Variants in IFFO2 observed in about 807,000 individuals in gnomAD.
The protein encoded by IFFO2 is intermediate filament family orphan 2.
In IFFO2, 19 loss-of-function variants were observed where a neutral mutation model predicts 53.5. That is an observed-to-expected ratio of 0.36 (90% confidence interval 0.25 to 0.52). IFFO2 has a LOEUF of 0.52. Among genes scored for constraint, IFFO2 ranks in the 20% least tolerant of loss-of-function variants. IFFO2 has a pLI of 0.94. For missense variants in IFFO2, 570 were observed against 727.4 expected (o/e 0.78, Z 2.49); for synonymous variants, 303 against 313.6 (o/e 0.97, Z 0.36).
chr1:18,931,956 T>C (rs1488489507), intron 1 of IFFO2, among the ~76,000 whole-genome samples: 7 of 152,218 alleles, frequency 4.6e-5, no homozygotes, highest in Admixed American at 1.3e-4. Context: ...ACTTTGCCCA[T>C]GCACTTATTT....
At position 18,918,159 on chromosome 1, in the gene IFFO2, G is replaced by A. The variant is rs1936162650; in HGVS notation, c.963+203C>T. ...TCGGTCTCCCCAGCCATAGGATGAA[G>A]CAGTCAGACGAGCCTATGAGTCCAC... is the stretch of plus-strand genomic sequence containing the variant. On this transcript the variant is annotated intron_variant, in intron 4 of 8. Coordinates refer to ENST00000455833, the MANE Select transcript of IFFO2 (RefSeq NM_001136265.2). This position sits in a 1 kb window ranked among gnomAD's most constrained non-coding sequence, Gnocchi z 5.2. 6.6e-6 allele frequency among the ~76,000 whole-genome samples: 1 copy of A among 152,206 alleles called. No homozygotes were observed. The highest frequency in any genetic ancestry group is 6.5e-5 in the Admixed American group (1 of 15,288).
chr1:18,945,987 C>T (rs778734514), intron 1 of IFFO2, among the ~76,000 whole-genome samples: 17 of 152,234 alleles, frequency 1.1e-4, no homozygotes, highest in Admixed American at 2.0e-4. Context: ...TCCACACAAA[C>T]GTTCTGCTCT....
At chr1:18,949,274 T>C (rs1484691328) in intron 1 of IFFO2, among the ~76,000 whole-genome samples, 1 of 152,168 alleles carries the variant, frequency 6.6e-6, no homozygotes, top group Admixed American at 6.5e-5. Context: ...GATCTGCCAG[T>C]GGGAGACGAA....
At chr1:18,923,468 C>G (rs957901839) in intron 1 of IFFO2, among the ~76,000 whole-genome samples, 1 of 152,208 alleles carries the variant, frequency 6.6e-6, no homozygotes, top group South Asian at 2.1e-4. Flanking sequence ...ACAATAACAG[C>G]AACAGCACCA....
In IFFO2 at chr1:18,911,488, G is replaced by A. The variant is rs1446413846; in HGVS notation, c.1225-12C>T. ...AAGTTTTCCTCTTGCTGGGGAAATA[G>A]AACAAACGGGACAGTTTATTTTATT... On this transcript the variant is annotated splice_polypyrimidine_tract_variant and intron_variant, in intron 6 of 8. Coordinates refer to ENST00000455833, the MANE Select transcript of IFFO2 (RefSeq NM_001136265.2). 1.6e-6 allele frequency: 2 copies of A among 1,238,676 alleles called. No homozygotes were observed. The highest frequency in any genetic ancestry group is 3.0e-5 in the South Asian group (2 of 66,198). 76.7% of individuals were successfully genotyped at this position (1,238,676 alleles called of 1,614,324 possible). A position where few individuals can be genotyped will look rare whatever the true frequency, so the allele number is the denominator to read the frequency against.
intron 1 of IFFO2, among the ~76,000 whole-genome samples, chr1:18,949,806 T>A (rs185174813): frequency 1.3e-5 from 2 of 152,310 alleles, no homozygotes; most frequent in Non-Finnish European, 2.9e-5. Context: ...TACATGTGTG[T>A]GAGTGTGAGT....
intron 1 of IFFO2, among the ~76,000 whole-genome samples, chr1:18,929,698 C>G (rs1356214452): frequency 6.6e-6 from 1 of 152,122 alleles, no homozygotes; most frequent in Non-Finnish European, 1.5e-5. Flanking sequence ...CGGCAAGCCC[C>G]TAACTGGGCT....
At chr1:18,937,930 C>T (rs540360211) in intron 1 of IFFO2, among the ~76,000 whole-genome samples, 14 of 152,396 alleles carry the variant, frequency 9.2e-5, no homozygotes, top group African/African-American at 3.4e-4. Flanking sequence ...CCTCTCTTCT[C>T]AACTCCAACC....
intron 1 of IFFO2, among the ~76,000 whole-genome samples, chr1:18,934,057 CTTTTTTTT>C (rs71577808): frequency 8.2e-4 from 58 of 70,312 alleles, no homozygotes; most frequent in African/African-American, 1.3e-3. Flanking sequence ...TCTCTTATTT[CTTTTTTTT>C]TTTTTTTTTT....
rs534065858 is a variant in IFFO2, at chr1:18,945,314, C to G, written c.665+10354G>C. Among the ~76,000 whole-genome samples the G allele has an allele frequency of 4.6e-5, 7 of 152,210 alleles. No homozygotes were observed. In the South Asian group the frequency reaches 8.3e-4, roughly 18 times the overall value. ...CCCTAAATCTTCCACTACCACCCCC[C>G]AAGATGGCCTTCTGCCTATTGCCAC... On this transcript the variant is annotated intron_variant, in intron 1 of 8. Coordinates refer to ENST00000455833, the MANE Select transcript of IFFO2 (RefSeq NM_001136265.2).
At chr1:18,913,985 C>T (rs1056646644) in intron 5 of IFFO2, among the ~76,000 whole-genome samples, 16 of 152,292 alleles carry the variant, frequency 1.1e-4, no homozygotes, top group Non-Finnish European at 1.9e-4. Context: ...GCGCCCGCCA[C>T]CACGCCCGGC....
At chr1:18,951,029 T>TGGAA (rs1285144200) in intron 1 of IFFO2, among the ~76,000 whole-genome samples, 1 of 152,234 alleles carries the variant, frequency 6.6e-6, no homozygotes, top group Non-Finnish European at 1.5e-5. Context: ...GCACGGCAGA[T>TGGAA]GGAAGGTCTG....
intron 1 of IFFO2, among the ~76,000 whole-genome samples, chr1:18,954,587 G>T (rs1936700454): frequency 6.6e-6 from 1 of 152,258 alleles, no homozygotes; most frequent in South Asian, 2.1e-4. Context: ...AACAGCGATT[G>T]CCAGGGCCAG....
Position 18,919,667 on chromosome 1 carries a change from G to A in IFFO2, c.822+11C>T. On this transcript the variant is annotated intron_variant, in intron 3 of 8. Coordinates refer to ENST00000455833, the MANE Select transcript of IFFO2 (RefSeq NM_001136265.2). The surrounding 1 kb of genome is among the most constrained non-coding windows in gnomAD (Gnocchi z 4.9). ...AGGTCATGACACCCAGGGGCGGCGG[G>A]CGGCACTTACGTCACTCATAAGCCC... The A allele has an allele frequency of 1.3e-6, 2 of 1,545,722 alleles. No individual in the cohort carries two copies. Among genetic ancestry groups the A allele is most frequent in the Non-Finnish European group, 1.8e-6 (2 of 1,141,594 alleles).
rs546659785 is a variant in IFFO2, at chr1:18,945,042, C to A, written c.665+10626G>T. Among the ~76,000 whole-genome samples the A allele has an allele frequency of 4.6e-5, 7 of 152,318 alleles. No homozygotes were observed. In the South Asian group the frequency reaches 1.4e-3, roughly 32 times the overall value. ...AGCAGCTCCACACTGTTCTGCACAG[C>A]AGCTCAACTCCAGGCCCTTGTACAC... On this transcript the variant is annotated intron_variant, in intron 1 of 8. Transcript: ENST00000455833.
At chr1:18,934,057 CTTTTTTTTTTT>C (rs71577808) in intron 1 of IFFO2, among the ~76,000 whole-genome samples, 5 of 70,316 alleles carry the variant, frequency 7.1e-5, no homozygotes, top group South Asian at 1.0e-3. Context: ...TCTCTTATTT[CTTTTTTTTTTT>C]TTTTTTTTTT....
In IFFO2 at chr1:18,919,656, A is replaced by G; in HGVS notation, c.822+22T>C. Reference sequence around the variant, plus strand: ...GGGTGTGGGGGAGGTCATGACACCCAGGGGCGGCGGGCGGCACTTACGTCA... The same window carrying G: ...GGGTGTGGGGGAGGTCATGACACCCGGGGGCGGCGGGCGGCACTTACGTCA... On this transcript the variant is annotated intron_variant, in intron 3 of 8. Transcript: ENST00000455833. This position sits in a 1 kb window ranked among gnomAD's most constrained non-coding sequence, Gnocchi z 4.9. 6.6e-7 allele frequency: 1 copy of G among 1,524,484 alleles called. No individual in the cohort carries two copies. The highest frequency in any genetic ancestry group is 8.9e-7 in the Non-Finnish European group (1 of 1,122,236). 94.4% of individuals were successfully genotyped at this position (1,524,484 alleles called of 1,614,324 possible).
In IFFO2 at chr1:18,908,292, C is replaced by A; in HGVS notation, c.*269G>T. On this transcript the variant is annotated 3_prime_UTR_variant, in exon 9 of 9. Transcript: ENST00000455833. Reference sequence around the variant, plus strand: ...GAAGGCACAGTTAACACTGCAAAGTCCGCACAGAAGTCTGCATTTGTAATG... The same window carrying A: ...GAAGGCACAGTTAACACTGCAAAGTACGCACAGAAGTCTGCATTTGTAATG... 4.5e-6 allele frequency: 2 copies of A among 449,374 alleles called. No homozygotes were observed. The highest frequency in any genetic ancestry group is 3.4e-5 in the Admixed American group (1 of 29,438). 27.8% of individuals were successfully genotyped at this position (449,374 alleles called of 1,614,324 possible).
chr1:18,919,075 C>T lies in IFFO2; in HGVS notation c.823-573G>A, dbSNP rs1349882329. On this transcript the variant is annotated intron_variant, in intron 3 of 8. Transcript: ENST00000455833. This position sits in a 1 kb window ranked among gnomAD's most constrained non-coding sequence, Gnocchi z 4.9. ...AGGCTCAGTCACCCACGTTCTGGCC[C>T]CTTCTGCCTTCTGGTGGGGTCTCCC... is the stretch of plus-strand genomic sequence containing the variant. 6.6e-6 allele frequency among the ~76,000 whole-genome samples: 1 copy of T among 152,178 alleles called. No individual in the cohort carries two copies. Among genetic ancestry groups the T allele is most frequent in the Non-Finnish European group, 1.5e-5 (1 of 68,040 alleles).
Sources: gnomAD v4.1 joint callset for allele counts (sites outside exome capture counted in the v4.1 genomes callset) on GRCh38, gnomAD v4.1.1 for gene constraint, Gnocchi (gnomAD v3.1) non-coding constraint, MANE v1.5 for transcripts, NCBI Gene and HGNC (gene_info 2026-07-23, HGNC 2026-07-21) for gene names.